Variants in SLC9C2 observed in about 807,000 individuals in gnomAD.
SLC9C2 encodes solute carrier family 9 member C2 (putative).
SLC9C2 carries 75 observed loss-of-function variants against 140.2 expected under a neutral mutation model. The ratio of observed to expected loss-of-function variants is 0.53; its 90% CI spans 0.44 to 0.65. The LOEUF (loss-of-function observed/expected upper bound fraction) is 0.65, where lower values mean the gene tolerates loss of function less well. SLC9C2 is among the 30% of genes least tolerant of loss of function. The probability of loss-of-function intolerance (pLI) is 0.00; values close to 1 mark genes in which losing one functional copy is unlikely to be tolerated. For synonymous variants in SLC9C2, 375 were observed against 420.9 expected (o/e 0.89, Z 1.34); for missense variants, 1,074 against 1,331.8 (o/e 0.81, Z 3.01).
At chr1:173,571,833 T>C (rs868446745) in intron 9 of SLC9C2, 2 of 152,208 alleles carry the variant, frequency 1.3e-5, no homozygotes, top group African/African-American at 4.8e-5. Flanking sequence ...ATTAATAATG[T>C]TTTGTTTTAA....
intron 9 of SLC9C2, among the ~76,000 whole-genome samples, chr1:173,569,516 A>G (rs924307386): frequency 2.6e-5 from 4 of 152,010 alleles, no homozygotes; most frequent in African/African-American, 9.7e-5. Flanking sequence ...GTTCTCTGAT[A>G]TTACCATTTT....
At chr1:173,594,829 T>C (rs903428765) in intron 4 of SLC9C2, among the ~76,000 whole-genome samples, 1 of 152,206 alleles carries the variant, frequency 6.6e-6, no homozygotes, top group Non-Finnish European at 1.5e-5. Context: ...TTTAGGAATA[T>C]AGAAATTTTG....
intron 9 of SLC9C2, among the ~76,000 whole-genome samples, chr1:173,563,866 A>G (rs1288792104): frequency 6.6e-6 from 1 of 152,032 alleles, no homozygotes. Flanking sequence ...TACCCTTCCC[A>G]GCCTCTGGTA....
chr1:173,548,437 A>G lies in SLC9C2; in HGVS notation c.1413T>C (p.Asn471=). Residue 471 remains asparagine (N), a synonymous_variant, in exon 12 of 28, where the codon AAT becomes AAC. Transcript: ENST00000367714. The part of the protein sequence containing the change: ...TLFKTEKILT[N]VNWTLVEDKT... ...TATCTTCTACTAAGGTCCAGTTAAC[A>G]TTTGTCAAAATTTTTTCTGTTTTAA... 1.2e-6 allele frequency: 2 copies of G among 1,613,778 alleles called. No individual in the cohort carries two copies. The highest frequency in any genetic ancestry group is 1.7e-6 in the Non-Finnish European group (2 of 1,179,786).
intron 21 of SLC9C2, 37 bp downstream of exon 21, chr1:173,523,932 A>G (rs891614033): frequency 1.3e-6 from 2 of 1,589,984 alleles, no homozygotes; most frequent in Non-Finnish European, 1.7e-6. Context: ...GATAATTACC[A>G]TCAAACCTGA....
At chr1:173,579,341 C>G (rs1221254490) in intron 7 of SLC9C2, among the ~76,000 whole-genome samples, 9 of 152,164 alleles carry the variant, frequency 5.9e-5, no homozygotes. Flanking sequence ...TAACGAAAGC[C>G]ATCCTTGAAA....
chr1:173,560,789 T>C (rs1664054696), intron 9 of SLC9C2, among the ~76,000 whole-genome samples: 1 of 152,146 alleles, frequency 6.6e-6, no homozygotes. Flanking sequence ...TCTTTCTTTT[T>C]AATTTTTAAT....
chr1:173,528,037 C>T (rs1462501241), intron 18 of SLC9C2, among the ~76,000 whole-genome samples: 1 of 152,112 alleles, frequency 6.6e-6, no homozygotes, highest in Non-Finnish European at 1.5e-5. Context: ...CAGCTAGGCC[C>T]CCTTCACACC....
chr1:173,598,127 C>A (rs1666546380), intron 3 of SLC9C2, 95 bp from the exon 4 acceptor site: 1 of 1,352,872 alleles, frequency 7.4e-7, no homozygotes, highest in Non-Finnish European at 1.0e-6. Context: ...ATTTTAGAAT[C>A]TTTCAGTTTA....
At chr1:173,548,324 C>G (rs1417567085) in intron 12 of SLC9C2, 65 bp downstream of exon 12, 2 of 1,486,028 alleles carry the variant, frequency 1.3e-6, no homozygotes, top group African/African-American at 2.8e-5. Flanking sequence ...TAACAATAGG[C>G]TAAAGCAAGT....
At chr1:173,546,161 G>C (rs536897584) in intron 13 of SLC9C2, among the ~76,000 whole-genome samples, 1 of 152,310 alleles carries the variant, frequency 6.6e-6, no homozygotes, top group African/African-American at 2.4e-5. Flanking sequence ...CTGTGGACGA[G>C]AGCCTTTCAA....
At chr1:173,545,464 A>G (rs1230824682) in intron 13 of SLC9C2, among the ~76,000 whole-genome samples, 2 of 152,166 alleles carry the variant, frequency 1.3e-5, no homozygotes, top group Non-Finnish European at 2.9e-5. Context: ...ATGGACACGT[A>G]ATTTCTCAGG....
intron 23 of SLC9C2, 142 bp downstream of exon 23, chr1:173,517,394 AC>A: frequency 1.4e-6 from 1 of 713,264 alleles, no homozygotes; most frequent in South Asian, 2.1e-5. Flanking sequence ...GATGTGAGAC[AC>A]TAAATCTGCC....
At chr1:173,572,328 T>C (rs951495527) in intron 9 of SLC9C2, among the ~76,000 whole-genome samples, 3 of 151,970 alleles carry the variant, frequency 2.0e-5, no homozygotes, top group Admixed American at 6.5e-5. Flanking sequence ...TCTGATGAGG[T>C]GGGGGATAGG....
chr1:173,536,896 A>G (rs765984136), intron 14 of SLC9C2, 46 bp downstream of exon 14: 6 of 1,273,724 alleles, frequency 4.7e-6, no homozygotes, highest in East Asian at 2.3e-5. Flanking sequence ...TTCATCATAT[A>G]GTCATTCAAT....
chr1:173,588,967 A>G (rs1481894389), intron 4 of SLC9C2, among the ~76,000 whole-genome samples: 1 of 152,162 alleles, frequency 6.6e-6, no homozygotes, highest in Non-Finnish European at 1.5e-5. Context: ...AGTACCAGCT[A>G]CTCAGGAAAC....
chr1:173,529,577 G>A (rs1571479916), intron 18 of SLC9C2, among the ~76,000 whole-genome samples: 1 of 150,074 alleles, frequency 6.7e-6, no homozygotes, highest in Non-Finnish European at 1.5e-5. Context: ...CCTTTTTCAA[G>A]TCTCAACTCC....
At chr1:173,573,931 G>C (rs909210995) in intron 8 of SLC9C2, among the ~76,000 whole-genome samples, 1 of 152,186 alleles carries the variant, frequency 6.6e-6, no homozygotes, top group African/African-American at 2.4e-5. Context: ...CTACGGTGCT[G>C]ACTGTCTGCA....
intron 23 of SLC9C2, among the ~76,000 whole-genome samples, chr1:173,512,353 G>A (rs1428620016): frequency 6.6e-6 from 1 of 152,050 alleles, no homozygotes; most frequent in African/African-American, 2.4e-5. Flanking sequence ...AGTTCTCCTT[G>A]AAAAGGTCCT....
Sources: allele counts gnomAD v4.1 joint callset (sites outside exome capture counted in the v4.1 genomes callset), GRCh38; gene constraint gnomAD v4.1.1; transcripts MANE v1.5; gene names NCBI Gene and HGNC (gene_info 2026-07-23, HGNC 2026-07-21).